ADAM2: variants seen among roughly 807,000 people sequenced by gnomAD.
ADAM2 encodes the protein disintegrin and metalloproteinase domain-containing protein 2.
ADAM2 carries 101 observed loss-of-function variants against 99.3 expected under a neutral mutation model. The ratio of observed to expected loss-of-function variants is 1.02; its 90% CI spans 0.87 to 1.20. The LOEUF (loss-of-function observed/expected upper bound fraction) is 1.20. Ranked by LOEUF, ADAM2 falls within the 50% of genes most tolerant of loss-of-function variation. The pLI is 0.00. For synonymous variants in ADAM2, 323 were observed against 287.6 expected (o/e 1.12, Z -1.25); for missense variants, 948 against 878.7 (o/e 1.08, Z -1.00).
chr8:39,822,849 ATC>A (rs1586156165), intron 4 of ADAM2, among the ~76,000 whole-genome samples: 1 of 151,876 alleles, frequency 6.6e-6, no homozygotes, highest in Non-Finnish European at 1.5e-5. Context: ...GCTCACTGCA[ATC>A]TCCTCCACCT....
At chr8:39,765,475 T>C (rs78108898) in intron 14 of ADAM2, among the ~76,000 whole-genome samples, 2,222 of 152,228 alleles carry the variant, frequency 0.015, 62 homozygotes, top group African/African-American at 0.051. Flanking sequence ...GCCAACAAAT[T>C]TGATAACAGA....
At chr8:39,756,016 G>A (rs940397407) in intron 15 of ADAM2, 105 bp from the exon 16 acceptor site, 3 of 587,664 alleles carry the variant, frequency 5.1e-6, no homozygotes, top group African/African-American at 3.9e-5. Flanking sequence ...AGGTTTGCAA[G>A]CTAATACATG....
intron 11 of ADAM2, among the ~76,000 whole-genome samples, chr8:39,770,586 G>T (rs866941723): frequency 1.1e-4 from 16 of 152,158 alleles, no homozygotes; most frequent in Non-Finnish European, 2.2e-4. Context: ...CCTTGTAAAA[G>T]ATTTTAAAAT....
chr8:39,746,038 T>C (rs1430785708), intron 19 of ADAM2, among the ~76,000 whole-genome samples: 1 of 151,950 alleles, frequency 6.6e-6, no homozygotes, highest in African/African-American at 2.4e-5. Context: ...TAATTTTTTC[T>C]TTTTTGAGTC....
intron 4 of ADAM2, among the ~76,000 whole-genome samples, chr8:39,824,562 G>C (rs1805324192): frequency 6.6e-6 from 1 of 152,048 alleles, no homozygotes; most frequent in Admixed American, 6.5e-5. Flanking sequence ...AACATATTTA[G>C]TCCCTATCAC....
intron 6 of ADAM2, among the ~76,000 whole-genome samples, chr8:39,814,993 ATAAGATGACTAGAAAG>A (rs1384508076): frequency 6.6e-6 from 1 of 152,066 alleles, no homozygotes; most frequent in African/African-American, 2.4e-5. Flanking sequence ...ATTGCAGAAA[ATAAGATGACTAGAAAG>A]TTCTAGGGAA....
chr8:39,824,775 A>G (rs1382810102), intron 4 of ADAM2, 44 bp downstream of exon 4: 5 of 992,360 alleles, frequency 5.0e-6, no homozygotes, highest in East Asian at 4.8e-5. Context: ...AGGTGATCAT[A>G]GACACTCACA....
At chr8:39,779,136 G>T (rs969574726) in intron 10 of ADAM2, among the ~76,000 whole-genome samples, 8 of 151,784 alleles carry the variant, frequency 5.3e-5, no homozygotes, top group African/African-American at 1.9e-4. Context: ...ATCATTATAG[G>T]ATCAAAATAC....
At chr8:39,824,239 C>T (rs184840616) in intron 4 of ADAM2, among the ~76,000 whole-genome samples, 6 of 145,932 alleles carry the variant, frequency 4.1e-5, no homozygotes, top group African/African-American at 7.7e-5. Flanking sequence ...GCTGAGATCG[C>T]GCCATTGCAC....
chr8:39,751,483 TG>T (rs1473553120), intron 16 of ADAM2, among the ~76,000 whole-genome samples: 92 of 151,654 alleles, frequency 6.1e-4, no homozygotes, highest in African/African-American at 2.2e-3. Flanking sequence ...TGTTTGTTTT[TG>T]TTTTTGTCTG....
chr8:39,790,022 CA>C (rs1271571196), intron 7 of ADAM2, among the ~76,000 whole-genome samples: 1 of 151,654 alleles, frequency 6.6e-6, no homozygotes, highest in Non-Finnish European at 1.5e-5. Context: ...CACTGTAATT[CA>C]AAAGACACAC....
intron 3 of ADAM2, among the ~76,000 whole-genome samples, chr8:39,828,092 G>T (rs1383699099): frequency 6.6e-6 from 1 of 151,752 alleles, no homozygotes; most frequent in Non-Finnish European, 1.5e-5. Flanking sequence ...TCTTATAATA[G>T]AAATATATTA....
chr8:39,760,911 A>T (rs921523072), intron 15 of ADAM2, among the ~76,000 whole-genome samples: 1 of 140,554 alleles, frequency 7.1e-6, no homozygotes, highest in African/African-American at 2.7e-5. Flanking sequence ...AAAAAAAAAA[A>T]TTAAAGTAAT....
chr8:39,794,879 C>A (rs879840297), intron 7 of ADAM2, among the ~76,000 whole-genome samples: 49 of 152,160 alleles, frequency 3.2e-4, no homozygotes, highest in African/African-American at 1.1e-3. Flanking sequence ...GTTTTGTCTG[C>A]GGCTTGTCCT....
In ADAM2 at chr8:39,821,139, C is replaced by T. The variant is rs766676702; in HGVS notation, c.376G>A (p.Gly126Arg). 3.1e-6 allele frequency: 5 copies of T among 1,600,112 alleles called. No individual in the cohort carries two copies. The South Asian group carries it at 4.5e-5, about 15-fold the overall frequency. Residue 126 changes from glycine (G) to arginine (R), a missense_variant, in exon 6 of 21, where the codon GGA becomes AGA. Transcript: ENST00000265708. Reference protein sequence around the residue: ...GVLQFENVSYGIEPLESSVGF... With the variant: ...GVLQFENVSYRIEPLESSVGF... ...ACTGAAGACTCCAGGGGTTCTATTC[C>T]ATAACTAACATTTTCAAACTGTAGT...
chr8:39,827,949 C>A (rs1805475120), intron 3 of ADAM2, among the ~76,000 whole-genome samples: 1 of 151,902 alleles, frequency 6.6e-6, no homozygotes. Flanking sequence ...GTATACATAT[C>A]TAAAAATATG....
rs201872944 is a variant in ADAM2 at position 39,837,124 on chromosome 8, G to T, written c.132+12C>A. On this transcript the variant is annotated intron_variant, in intron 2 of 20. Coordinates refer to ENST00000265708, the MANE Select transcript of ADAM2 (RefSeq NM_001464.5). ...CATTTTAAATTTGTAAATACTGTTAGTGATTCATTACCTGCGATTCAATTC... is the reference window on the plus strand; with the variant it reads ...CATTTTAAATTTGTAAATACTGTTATTGATTCATTACCTGCGATTCAATTC... The T allele has an allele frequency of 1.3e-6, 2 of 1,567,488 alleles. No homozygotes were observed. Among genetic ancestry groups the T allele is most frequent in the Non-Finnish European group, 8.7e-7 (1 of 1,147,362 alleles).
chr8:39,819,460 C>G (rs908066852), intron 6 of ADAM2, among the ~76,000 whole-genome samples: 2 of 151,918 alleles, frequency 1.3e-5, no homozygotes, highest in Admixed American at 1.3e-4. Flanking sequence ...TTAATTTTAC[C>G]TGTAAACTTG....
At chr8:39,788,918 T>C (rs1231076318) in intron 7 of ADAM2, among the ~76,000 whole-genome samples, 178 bp from the exon 8 acceptor site, 1 of 151,574 alleles carries the variant, frequency 6.6e-6, no homozygotes, top group Non-Finnish European at 1.5e-5. Context: ...GTATAAAAAC[T>C]GAAAAATATG....
Sources: allele counts gnomAD v4.1 joint callset (sites outside exome capture counted in the v4.1 genomes callset), GRCh38; gene constraint gnomAD v4.1.1; transcripts MANE v1.5; gene names NCBI Gene and HGNC (gene_info 2026-07-23, HGNC 2026-07-21).